BNC2: variants seen among roughly 807,000 people sequenced by gnomAD.
BNC2 encodes the protein basonuclin zinc finger protein 2, also known as zinc finger protein basonuclin-2.
In BNC2, 20 loss-of-function variants were observed where a neutral mutation model predicts 76.3. That is an observed-to-expected ratio of 0.26 (90% CI 0.18 to 0.38). The LOEUF (loss-of-function observed/expected upper bound fraction) is 0.38, where lower values mean the gene tolerates loss of function less well. Ranked by LOEUF, BNC2 falls within the 10% of genes least tolerant of loss-of-function variation. The probability of loss-of-function intolerance (pLI) is 1.00; values close to 1 mark genes in which losing one functional copy is unlikely to be tolerated. For missense variants in BNC2, 1,382 were observed against 1,399.8 expected, an observed-to-expected ratio of 0.99 and a Z score of 0.20; for synonymous variants, 582 against 514.8, an observed-to-expected ratio of 1.13 and a Z score of -1.77.
chr9:16,754,551 T>G (rs949797675), intron 1 of BNC2, among the ~76,000 whole-genome samples: 1 of 128,882 alleles, frequency 7.8e-6, no homozygotes, highest in Non-Finnish European at 1.5e-5. Flanking sequence ...TAGATTCAAA[T>G]AGTCATTTTT....
At chr9:16,713,739 T>A (rs1049745356) in intron 3 of BNC2, among the ~76,000 whole-genome samples, 7 of 152,108 alleles carry the variant, frequency 4.6e-5, no homozygotes, top group Non-Finnish European at 8.8e-5. Context: ...AGAAGCTGCA[T>A]TAAGTTTCCA....
At chr9:16,844,140 A>G (rs1160508884) in intron 1 of BNC2, among the ~76,000 whole-genome samples, 17 of 145,478 alleles carry the variant, frequency 1.2e-4, no homozygotes, top group Non-Finnish European at 1.4e-4. Context: ...GCAATTTCTC[A>G]TAAGTTTTTT....
chr9:16,785,622 T>G (rs1826268917), intron 1 of BNC2, among the ~76,000 whole-genome samples: 1 of 144,884 alleles, frequency 6.9e-6, no homozygotes, highest in Admixed American at 7.1e-5. Context: ...GGTCTCAAAC[T>G]CCTGACCTCA....
intron 1 of BNC2, among the ~76,000 whole-genome samples, chr9:16,804,458 T>G (rs563250789): frequency 6.6e-6 from 1 of 152,220 alleles, no homozygotes; most frequent in African/African-American, 2.4e-5. Context: ...ACTCTATGCA[T>G]GCATATACAT....
In BNC2 at chr9:16,510,791, A is replaced by G. The variant is rs141611801; in HGVS notation, c.669+41739T>C. Among the ~76,000 whole-genome samples, 965 of 152,330 alleles carry G rather than the reference A, an allele frequency of 6.3e-3. 8 individuals carry two copies. The highest frequency in any genetic ancestry group is 0.017 in the Middle Eastern group (5 of 294). On this transcript the variant is annotated intron_variant, in intron 5 of 6. Transcript: ENST00000380672. ...TGAAATTCTCAGGTGATTCACTGCC[A>G]GGGTGGTATTTGGTGCTAAAGTGAG...
intron 5 of BNC2, among the ~76,000 whole-genome samples, chr9:16,471,125 C>T (rs1356474755): frequency 2.6e-5 from 4 of 152,142 alleles, no homozygotes; most frequent in Non-Finnish European, 5.9e-5. Context: ...GACCTGGAGT[C>T]AAAGGAGATC....
At chr9:16,662,173 C>T (rs1046794874) in intron 3 of BNC2, among the ~76,000 whole-genome samples, 4 of 152,208 alleles carry the variant, frequency 2.6e-5, no homozygotes, top group African/African-American at 7.2e-5. Flanking sequence ...CATGAGTCTA[C>T]TTTGTGTACT....
chr9:16,477,470 A>G (rs943707543), intron 5 of BNC2, among the ~76,000 whole-genome samples: 3 of 152,144 alleles, frequency 2.0e-5, no homozygotes, highest in Non-Finnish European at 4.4e-5. Context: ...TCATTTATTA[A>G]TGGCAAACTT....
At chr9:16,584,606 C>T (rs1353665693) in intron 3 of BNC2, among the ~76,000 whole-genome samples, 2 of 152,108 alleles carry the variant, frequency 1.3e-5, no homozygotes, top group Non-Finnish European at 2.9e-5. Flanking sequence ...GATCTCTCTT[C>T]CAAACATGGT....
chr9:16,487,966 C>T (rs896947878), intron 5 of BNC2, among the ~76,000 whole-genome samples: 1 of 152,136 alleles, frequency 6.6e-6, no homozygotes, highest in African/African-American at 2.4e-5. Context: ...GGCTCAATCC[C>T]GGAAAATATT....
chr9:16,440,830 G>C (rs1821111586), intron 5 of BNC2, among the ~76,000 whole-genome samples: 3 of 152,164 alleles, frequency 2.0e-5, no homozygotes, highest in Admixed American at 2.0e-4. Context: ...AAGAGATCCA[G>C]GTAAGTATGA....
chr9:16,813,692 T>C (rs1398022131), intron 1 of BNC2, among the ~76,000 whole-genome samples: 3 of 152,198 alleles, frequency 2.0e-5, no homozygotes, highest in East Asian at 1.9e-4. Context: ...TCATTATAAA[T>C]ACAAATAAAG....
intron 5 of BNC2, among the ~76,000 whole-genome samples, chr9:16,443,188 AACT>A (rs894696307): frequency 1.4e-4 from 22 of 152,330 alleles, no homozygotes; most frequent in African/African-American, 5.1e-4. Context: ...ATTAGCTAAA[AACT>A]AAAAGTATTT....
chr9:16,507,934 T>C (rs565103523), intron 5 of BNC2, among the ~76,000 whole-genome samples: 1 of 152,166 alleles, frequency 6.6e-6, no homozygotes. Flanking sequence ...ATAACAATCG[T>C]TCATTATTAT....
At chr9:16,725,217 T>TCACTCTCACACA (rs929934068) in intron 3 of BNC2, among the ~76,000 whole-genome samples, 2 of 148,162 alleles carry the variant, frequency 1.3e-5, no homozygotes, top group African/African-American at 5.1e-5. Flanking sequence ...TCTCTCTCTC[T>TCACTCTCACACA]CACACACACA....
intron 3 of BNC2, among the ~76,000 whole-genome samples, chr9:16,724,711 C>T (rs1824260580): frequency 6.6e-6 from 1 of 152,056 alleles, no homozygotes; most frequent in Admixed American, 6.5e-5. Flanking sequence ...CAACTTTGCT[C>T]ATATGAAACA....
chr9:16,528,210 AAT>A (rs1817870309), intron 5 of BNC2, among the ~76,000 whole-genome samples: 1 of 152,214 alleles, frequency 6.6e-6, no homozygotes, highest in Non-Finnish European at 1.5e-5. Flanking sequence ...CTCCATTAAT[AAT>A]ATATGACTTA....
intron 3 of BNC2, among the ~76,000 whole-genome samples, chr9:16,680,636 G>A (rs1027827308): frequency 6.6e-6 from 1 of 151,256 alleles, no homozygotes; most frequent in Non-Finnish European, 1.5e-5. Context: ...GCCAAAAAGT[G>A]TAAAAGGAAA....
At chr9:16,833,592 C>T (rs1818633890) in intron 1 of BNC2, among the ~76,000 whole-genome samples, 1 of 152,086 alleles carries the variant, frequency 6.6e-6, no homozygotes. Flanking sequence ...TGTTACTGTC[C>T]TTGCAGGCCC....
Sources: allele counts gnomAD v4.1 joint callset (sites outside exome capture counted in the v4.1 genomes callset), GRCh38; gene constraint gnomAD v4.1.1; transcripts MANE v1.5; gene names NCBI Gene and HGNC (gene_info 2026-07-23, HGNC 2026-07-21).